PCDHGB6: variants seen among roughly 807,000 people sequenced by gnomAD.
PCDHGB6 encodes the protein protocadherin gamma-B6.
In PCDHGB6, 51 loss-of-function variants were observed where a neutral mutation model predicts 59.1. The observed-to-expected ratio is 0.86, with a 90% CI of 0.69 to 1.09. The LOEUF is 1.09. PCDHGB6 is among the 50% of genes least tolerant of loss of function. The pLI is 0.00. For synonymous variants in PCDHGB6, 466 were observed against 495.1 expected, an observed-to-expected ratio of 0.94 and a Z score of 0.78; for missense variants, 1,148 against 1,205.1, an observed-to-expected ratio of 0.95 and a Z score of 0.70.
intron 1 of PCDHGB6, chr5:141,421,647 G>C: frequency 6.2e-7 from 1 of 1,613,872 alleles, no homozygotes; most frequent in South Asian, 1.1e-5. Context: ...ACGAAGTGGA[G>C]ATAAAAGTCA....
chr5:141,467,506 G>A (rs1364362269), intron 1 of PCDHGB6, among the ~76,000 whole-genome samples: 1 of 152,094 alleles, frequency 6.6e-6, no homozygotes, highest in Non-Finnish European at 1.5e-5. Flanking sequence ...TGATCTAATT[G>A]GAGTTTATTC....
At chr5:141,496,048 G>A (rs1327057788) in intron 2 of PCDHGB6, among the ~76,000 whole-genome samples, 1 of 148,400 alleles carries the variant, frequency 6.7e-6, no homozygotes, top group Non-Finnish European at 1.5e-5. Context: ...TCATTTTTTT[G>A]TGCTTGTGGG....
intron 1 of PCDHGB6, among the ~76,000 whole-genome samples, chr5:141,456,859 A>C (rs2098893194): frequency 6.6e-6 from 1 of 152,152 alleles, no homozygotes; most frequent in Admixed American, 6.6e-5. Context: ...GCTAATTGGG[A>C]GGCTGAGGCA....
chr5:141,482,885 A>G (rs1353686606), intron 1 of PCDHGB6, among the ~76,000 whole-genome samples: 2 of 152,202 alleles, frequency 1.3e-5, no homozygotes. Flanking sequence ...CAGCCTGGCC[A>G]ACATGGTGAA....
chr5:141,432,949 C>A lies in PCDHGB6; in HGVS notation c.2418+22329C>A, dbSNP rs764998032. ...CACGCCTGCTGCAGGCTTCAGGAGG[C>A]GGCTTGACAGGAGCGCCGGCGTCGC... On this transcript the variant is annotated intron_variant, in intron 1 of 3. Transcript: ENST00000520790. This position sits in a 1 kb window ranked among gnomAD's most constrained non-coding sequence, Gnocchi z 6.0. The A allele has an allele frequency of 1.9e-6, 3 of 1,614,184 alleles. No homozygotes were observed. The highest frequency in any genetic ancestry group is 2.5e-6 in the Non-Finnish European group (3 of 1,180,040).
intron 1 of PCDHGB6, among the ~76,000 whole-genome samples, chr5:141,484,288 C>T (rs1300726429): frequency 6.6e-6 from 1 of 152,176 alleles, no homozygotes; most frequent in African/African-American, 2.4e-5. Context: ...AAACATCTCC[C>T]TCTCCTGGCT....
chr5:141,423,234 C>A (rs1408925478), intron 1 of PCDHGB6: 1 of 1,613,800 alleles, frequency 6.2e-7, no homozygotes, highest in Non-Finnish European at 8.5e-7. Context: ...CCGACAGCAT[C>A]CCCGAAGTCC....
Position 141,489,866 on chromosome 5 carries a change from A to AGCTGGT in PCDHGB6, c.2419-4937_2419-4932dup. ...GATCGTGAAGCCCAGGCAAGACATC[A>AGCTGGT]GCTGGTGCTTACTGCTGTGGATGGG... On this transcript the variant is annotated intron_variant, in intron 1 of 3. Coordinates refer to ENST00000520790, the MANE Select transcript of PCDHGB6 (RefSeq NM_018926.3). The surrounding 1 kb of genome is among the most constrained non-coding windows in gnomAD (Gnocchi z 4.5). The AGCTGGT allele has an allele frequency of 1.2e-6, 2 of 1,614,220 alleles. No individual in the cohort carries two copies. The highest frequency in any genetic ancestry group is 1.7e-6 in the Non-Finnish European group (2 of 1,180,018).
At chr5:141,478,460 C>G (rs759992881) in intron 1 of PCDHGB6, 1 of 1,613,344 alleles carries the variant, frequency 6.2e-7, no homozygotes, top group East Asian at 2.2e-5. Flanking sequence ...AGCCAGTCCA[C>G]TGGCCAGCCG....
chr5:141,409,039 C>A lies in PCDHGB6; in HGVS notation c.837C>A (p.Tyr279Ter), dbSNP rs2095214342. The A allele has an allele frequency of 6.2e-7, 1 of 1,614,004 alleles. No individual in the cohort carries two copies. Among genetic ancestry groups the A allele is most frequent in the Non-Finnish European group, 8.5e-7 (1 of 1,179,890 alleles). The change falls in exon 1 of 4, where the codon TAC becomes TAA. Residue 279 changes from tyrosine (Y) to a stop codon, truncating the protein, a stop_gained. Coordinates refer to ENST00000520790, the MANE Select transcript of PCDHGB6 (RefSeq NM_018926.3). LOFTEE classifies it high-confidence loss of function. ...QDEGVNAEIN[Y>*]YFRSTAQSTK... is the part of the protein sequence containing the mutation. ...AGGGGGTCAATGCTGAGATAAACTA[C>A]TACTTCCGAAGCACTGCCCAGAGCA... is the stretch of plus-strand genomic sequence containing the variant.
At chr5:141,478,963 A>G (rs193236728) in intron 1 of PCDHGB6, among the ~76,000 whole-genome samples, 5 of 152,322 alleles carry the variant, frequency 3.3e-5, no homozygotes, top group East Asian at 1.9e-4. Context: ...TCATTCCTCC[A>G]CCTTTCAAGT....
chr5:141,487,884 A>G lies in PCDHGB6; in HGVS notation c.2419-6923A>G. 1.3e-6 allele frequency: 1 copy of G among 766,716 alleles called. No homozygotes were observed. Among genetic ancestry groups the G allele is most frequent in the Non-Finnish European group, 2.1e-6 (1 of 481,170 alleles). 47.5% of individuals were successfully genotyped at this position (766,716 alleles called of 1,614,324 possible). On this transcript the variant is annotated intron_variant, in intron 1 of 3. Transcript: ENST00000520790. The surrounding 1 kb of genome is among the most constrained non-coding windows in gnomAD (Gnocchi z 5.0). ...GTGATCAAGAGCCAGGCTGTTGTGG[A>G]AGCATGATGATGGAATGTGGGAGCA...
intron 1 of PCDHGB6, among the ~76,000 whole-genome samples, chr5:141,462,337 T>C (rs1053544147): frequency 6.6e-6 from 1 of 152,260 alleles, no homozygotes; most frequent in Non-Finnish European, 1.5e-5. Context: ...TTAATTGTAT[T>C]GTGATCCAAA....
intron 1 of PCDHGB6, chr5:141,428,361 C>T (rs1285334430): frequency 9.0e-6 from 5 of 556,646 alleles, no homozygotes; most frequent in South Asian, 7.5e-5. Context: ...TTTTGGCGGT[C>T]GCCTTGCACC....
Position 141,476,852 on chromosome 5 carries a change from C to T in PCDHGB6, c.2419-17955C>T. 6.2e-7 allele frequency: 1 copy of T among 1,613,828 alleles called. No homozygotes were observed. Among genetic ancestry groups the T allele is most frequent in the Non-Finnish European group, 8.5e-7 (1 of 1,180,044 alleles). ...GAATGACAATGCGCCTGTCTTCAAC[C>T]AGTCCTTGTACCGGGCGCGCGTCCT... On this transcript the variant is annotated intron_variant, in intron 1 of 3. Coordinates refer to ENST00000520790, the MANE Select transcript of PCDHGB6 (RefSeq NM_018926.3). This position sits in a 1 kb window ranked among gnomAD's most constrained non-coding sequence, Gnocchi z 7.6.
chr5:141,437,892 C>A (rs2097916583), intron 1 of PCDHGB6, among the ~76,000 whole-genome samples: 2 of 152,116 alleles, frequency 1.3e-5, no homozygotes, highest in Admixed American at 1.3e-4. Context: ...CACACGCCAC[C>A]ACACCCAGCT....
chr5:141,451,740 G>A (rs370710201), intron 1 of PCDHGB6, among the ~76,000 whole-genome samples: 1 of 152,108 alleles, frequency 6.6e-6, no homozygotes, highest in Non-Finnish European at 1.5e-5. Context: ...AAATTAGCTG[G>A]TCTGGTGGTG....
At position 141,485,729 on chromosome 5, in the gene PCDHGB6, A is replaced by G. The variant is rs2099618322; in HGVS notation, c.2419-9078A>G. 6.2e-7 allele frequency: 1 copy of G among 1,614,092 alleles called. No individual in the cohort carries two copies. The highest frequency in any genetic ancestry group is 1.1e-5 in the South Asian group (1 of 91,094). ...CTTTGCACTGGATGTGAAGAAGCGCAGCGACGGCAGCCTGGTCCCAGAGCT... is the reference window on the plus strand; with the variant it reads ...CTTTGCACTGGATGTGAAGAAGCGCGGCGACGGCAGCCTGGTCCCAGAGCT... On this transcript the variant is annotated intron_variant, in intron 1 of 3. Coordinates refer to ENST00000520790, the MANE Select transcript of PCDHGB6 (RefSeq NM_018926.3). This position sits in a 1 kb window ranked among gnomAD's most constrained non-coding sequence, Gnocchi z 5.7.
chr5:141,413,453 G>A lies in PCDHGB6; in HGVS notation c.2418+2833G>A, dbSNP rs761986113. 1.9e-5 allele frequency: 31 copies of A among 1,613,986 alleles called. 2 individuals carry two copies. In the South Asian group the frequency reaches 3.1e-4, roughly 16 times the overall value. On this transcript the variant is annotated intron_variant, in intron 1 of 3. Coordinates refer to ENST00000520790, the MANE Select transcript of PCDHGB6 (RefSeq NM_018926.3). ...AGCGGCAGCTTGATCACCGCGGGCA[G>A]GATAGACCGGGAGGAGCTCTGCGCT...
Sources: allele counts gnomAD v4.1 joint callset (sites outside exome capture counted in the v4.1 genomes callset), GRCh38; gene constraint gnomAD v4.1.1; non-coding constraint Gnocchi (gnomAD v3.1); transcripts MANE v1.5; gene names NCBI Gene and HGNC (gene_info 2026-07-23, HGNC 2026-07-21).